Variants in OR4K13 observed in about 807,000 individuals in gnomAD.
OR4K13 encodes the protein olfactory receptor 4K13.
For missense variants in OR4K13, 403 were observed against 366.0 expected, an observed-to-expected ratio of 1.10 and a Z score of -0.82; for synonymous variants, 160 against 134.8, an observed-to-expected ratio of 1.19 and a Z score of -1.30.
At position 20,034,087 on chromosome 14, in the gene OR4K13, T is replaced by C; in HGVS notation, c.672A>G (p.Ser224=). Residue 224 remains serine (S), a synonymous_variant, in exon 2 of 2, where the codon TCA becomes TCG. Transcript: ENST00000641904. Reference sequence around the variant, plus strand: ...ATCGACTAGCAGCACGGTACCTAACTGAGAATATTATGACTCCATAGGAGA... The same window carrying C: ...ATCGACTAGCAGCACGGTACCTAACCGAGAATATTATGACTCCATAGGAGA... ...LLVSYGVIIF[S]VRYRAASRSS... The C allele has an allele frequency of 6.2e-7, 1 of 1,613,992 alleles. No individual in the cohort carries two copies. The highest frequency in any genetic ancestry group is 8.5e-7 in the Non-Finnish European group (1 of 1,179,984).
Position 20,030,412 on chromosome 14 carries a change from T to G in OR4K13, c.*3432A>C, listed in dbSNP as rs2138670447. ...TATAAAAGCTCACAAAACCATACAC[T>G]AAAGAGTCATTTTTTCTATATGTAA... On this transcript the variant is annotated 3_prime_UTR_variant, in exon 2 of 2. Transcript: ENST00000641904. 6.6e-6 allele frequency: 1 copy of G among 151,850 alleles called. No individual in the cohort carries two copies. Among genetic ancestry groups the G allele is most frequent in the African/African-American group, 2.4e-5 (1 of 41,440 alleles). The allele number at this position is 151,850 out of a possible 1,614,324, so 9.4% of individuals were successfully genotyped here.
chr14:20,033,591 C>A lies in OR4K13; in HGVS notation c.*253G>T. ...AAACTGTAGATATTATGTGTTTGAC[C>A]ATAAAAGATCACAAAAAGGTGTTTG... On this transcript the variant is annotated 3_prime_UTR_variant, in exon 2 of 2. Coordinates refer to ENST00000641904, the MANE Select transcript of OR4K13 (RefSeq NM_001004714.2). 3.4e-6 allele frequency: 1 copy of A among 292,702 alleles called. No homozygotes were observed. Among genetic ancestry groups the A allele is most frequent in the South Asian group, 4.7e-5 (1 of 21,274 alleles). 18.1% of individuals were successfully genotyped at this position (292,702 alleles called of 1,614,324 possible).
rs1158686528 is a variant in OR4K13 at position 20,032,720 on chromosome 14, A to C, written c.*1124T>G. On this transcript the variant is annotated 3_prime_UTR_variant, in exon 2 of 2. Transcript: ENST00000641904. The stretch of plus-strand genomic sequence containing the variant: ...GGGGAGATAAACTTGGAATAGAAGC[A>C]GTACAATGTACAAGTTGGGACAGGA... 1 of 152,254 alleles carries C rather than the reference A, an allele frequency of 6.6e-6. No homozygotes were observed. The highest frequency in any genetic ancestry group is 1.9e-4 in the East Asian group (1 of 5,200). 9.4% of individuals were successfully genotyped at this position (152,254 alleles called of 1,614,324 possible).
chr14:20,033,318 T>C lies in OR4K13; in HGVS notation c.*526A>G, dbSNP rs1048053956. 5.2e-5 allele frequency: 8 copies of C among 153,286 alleles called. No individual in the cohort carries two copies. The highest frequency in any genetic ancestry group is 1.9e-4 in the African/African-American group (8 of 41,458). 9.5% of individuals were successfully genotyped at this position (153,286 alleles called of 1,614,324 possible). A position where few individuals can be genotyped will look rare whatever the true frequency, so the allele number is the denominator to read the frequency against. ...GCAGTTTTCTAGCCTGTAAGGCACT[T>C]GGATAAATAACCGTGATGAGATGTC... is the stretch of plus-strand genomic sequence containing the variant. On this transcript the variant is annotated 3_prime_UTR_variant, in exon 2 of 2. Coordinates refer to ENST00000641904, the MANE Select transcript of OR4K13 (RefSeq NM_001004714.2).
At chr14:20,035,645 G>T (rs1294386711) in intron 1 of OR4K13, 4 of 151,862 alleles carry the variant, frequency 2.6e-5, no homozygotes, top group African/African-American at 7.3e-5. Flanking sequence ...CATTTACCTG[G>T]TTATTGCTAT....
At chr14:20,035,839 T>C (rs1877556239) in intron 1 of OR4K13, 99 bp downstream of exon 1, 1 of 152,144 alleles carries the variant, frequency 6.6e-6, no homozygotes, top group Non-Finnish European at 1.5e-5. Context: ...TTAAAAAAAT[T>C]GCCTCCGTTG....
In OR4K13 at chr14:20,034,083, T is replaced by A. The variant is rs146225521; in HGVS notation, c.676A>T (p.Arg226Trp). Residue 226 changes from arginine to tryptophan, a missense_variant, in exon 2 of 2, where the codon AGG becomes TGG. Coordinates refer to ENST00000641904, the MANE Select transcript of OR4K13 (RefSeq NM_001004714.2). Reference protein sequence around the residue: ...VSYGVIIFSVRYRAASRSSKA... With the variant: ...VSYGVIIFSVWYRAASRSSKA... ...GAGGATCGACTAGCAGCACGGTACCTAACTGAGAATATTATGACTCCATAG... is the reference window on the plus strand; with the variant it reads ...GAGGATCGACTAGCAGCACGGTACCAAACTGAGAATATTATGACTCCATAG... 6.2e-7 allele frequency: 1 copy of A among 1,613,874 alleles called. No individual in the cohort carries two copies. Among genetic ancestry groups the A allele is most frequent in the African/African-American group, 1.3e-5 (1 of 74,860 alleles).
Position 20,034,493 on chromosome 14 carries a change from C to T in OR4K13, c.266G>A (p.Arg89His), listed in dbSNP as rs138902767. ...PKMIVDFLRE[R>H]KTISWWGCYS... ...ACATCCCCACCATGAGATGGTCTTA[C>T]GTTCTCGGAGGAAATCTACAATCAT... The change falls in exon 2 of 2, where the codon CGT becomes CAT. Residue 89 changes from arginine (R) to histidine (H), a missense_variant. By Grantham distance (29) the Arg-to-His change is conservative (BLOSUM62 0). Transcript: ENST00000641904. 339 of 1,613,852 alleles carry T rather than the reference C, an allele frequency of 2.1e-4. 1 individual carries two copies. In the African/African-American group the frequency reaches 2.3e-3, roughly 11 times the overall value.
In OR4K13 at chr14:20,034,161, T is replaced by C; in HGVS notation, c.598A>G (p.Ile200Val). The change falls in exon 2 of 2, where the codon ATT becomes GTT. Residue 200 changes from isoleucine to valine, a missense_variant. Transcript: ENST00000641904. ...AGTGACAGGAGCCCACTGTCAGCAA[T>C]GACCAGGAGCTGTAGGATGTAGGTG... ...KDTYILQLLVIADSGLLSLVC... is the reference protein window; with the variant it reads ...KDTYILQLLVVADSGLLSLVC... 1.2e-6 allele frequency: 2 copies of C among 1,614,074 alleles called. No individual in the cohort carries two copies. Among genetic ancestry groups the C allele is most frequent in the Non-Finnish European group, 1.7e-6 (2 of 1,180,002 alleles).
At chr14:20,035,079 C>G (rs920152461) in intron 1 of OR4K13, 98 bp from the exon 2 acceptor site, 1 of 225,820 alleles carries the variant, frequency 4.4e-6, no homozygotes, top group African/African-American at 2.3e-5. Context: ...CCTGGGTAAG[C>G]TGCTCACTGG....
Position 20,033,658 on chromosome 14 carries a change from G to T in OR4K13, c.*186C>A. 2.1e-6 allele frequency: 1 copy of T among 468,970 alleles called. No individual in the cohort carries two copies. Among genetic ancestry groups the T allele is most frequent in the African/African-American group, 2.0e-5 (1 of 51,184 alleles). 29.1% of individuals were successfully genotyped at this position (468,970 alleles called of 1,614,324 possible). A position where few individuals can be genotyped will look rare whatever the true frequency, so the allele number is the denominator to read the frequency against. On this transcript the variant is annotated 3_prime_UTR_variant, in exon 2 of 2. Transcript: ENST00000641904. ...TCTACTATTTCCTCATATGGAACTTGAACTGTTAGCTGGTACACAAGTTAT... is the reference window on the plus strand; with the variant it reads ...TCTACTATTTCCTCATATGGAACTTTAACTGTTAGCTGGTACACAAGTTAT...
At position 20,034,556 on chromosome 14, in the gene OR4K13, C is replaced by A. The variant is rs775918342; in HGVS notation, c.203G>T (p.Cys68Phe). The A allele has an allele frequency of 9.3e-6, 15 of 1,613,804 alleles. No individual in the cohort carries two copies. The highest frequency in any genetic ancestry group is 1.7e-5 in the Admixed American group (1 of 59,952). The change falls in exon 2 of 2, where the codon TGC (cysteine) becomes TTC (phenylalanine). Residue 68 changes from cysteine (C) to phenylalanine (F), a missense_variant. Cys to Phe is a radical substitution (Grantham distance 205, BLOSUM62 -2). Transcript: ENST00000641904. The stretch of plus-strand genomic sequence containing the variant: ...AAAAGAAGCCAGGATCATATCAATG[C>A]AGGAGAGGTTGCTAAGCAGAAAATA... ...PMYFLLSNLS[C>F]IDMILASFAT...
chr14:20,035,182 A>G (rs1012062428), intron 1 of OR4K13, among the ~76,000 whole-genome samples: 1 of 151,946 alleles, frequency 6.6e-6, no homozygotes, highest in African/African-American at 2.4e-5. Context: ...TCTTTCTGCT[A>G]TAAAGATCTC....
Position 20,034,508 on chromosome 14 carries a change from T to C in OR4K13, c.251A>G (p.Asp84Gly), listed in dbSNP as rs781001103. 1.9e-6 allele frequency: 3 copies of C among 1,613,806 alleles called. No individual in the cohort carries two copies. Among genetic ancestry groups the C allele is most frequent in the Non-Finnish European group, 2.5e-6 (3 of 1,179,936 alleles). The change falls in exon 2 of 2, where the codon GAT becomes GGT. Residue 84 changes from aspartate (D) to glycine (G), a missense_variant. Coordinates refer to ENST00000641904, the MANE Select transcript of OR4K13 (RefSeq NM_001004714.2). Reference protein sequence around the residue: ...ASFATPKMIVDFLRERKTISW... With the variant: ...ASFATPKMIVGFLRERKTISW... ...GATGGTCTTACGTTCTCGGAGGAAA[T>C]CTACAATCATCTTAGGGGTAGCAAA...
At position 20,031,183 on chromosome 14, in the gene OR4K13, T is replaced by C. The variant is rs1019835545; in HGVS notation, c.*2661A>G. 1 of 152,200 alleles carries C rather than the reference T, an allele frequency of 6.6e-6. No homozygotes were observed. The highest frequency in any genetic ancestry group is 6.5e-5 in the Admixed American group (1 of 15,282). 9.4% of individuals were successfully genotyped at this position (152,200 alleles called of 1,614,324 possible). ...CTCGGCTCCTCTGAAACAGCAATAC[T>C]GTAAAACGCCGAGAACCTCATGCTC... On this transcript the variant is annotated 3_prime_UTR_variant, in exon 2 of 2. Transcript: ENST00000641904.
rs1345410735 is a variant in OR4K13 at position 20,031,515 on chromosome 14, A to C, written c.*2329T>G. The stretch of plus-strand genomic sequence containing the variant: ...AGTTAGTAGCTTTCTCTGGCATAAG[A>C]AATACATAATAGTAGTTGGTAGCTT... On this transcript the variant is annotated 3_prime_UTR_variant, in exon 2 of 2. Transcript: ENST00000641904. 1 of 152,208 alleles carries C rather than the reference A, an allele frequency of 6.6e-6. No homozygotes were observed. Among genetic ancestry groups the C allele is most frequent in the Non-Finnish European group, 1.5e-5 (1 of 68,026 alleles). 9.4% of individuals were successfully genotyped at this position (152,208 alleles called of 1,614,324 possible). A position where few individuals can be genotyped will look rare whatever the true frequency, so the allele number is the denominator to read the frequency against.
rs1451680135 is a variant in OR4K13 at position 20,030,145 on chromosome 14, G to A, written c.*3699C>T. 3 of 151,972 alleles carry A rather than the reference G, an allele frequency of 2.0e-5. 1 individual carries two copies. The highest frequency in any genetic ancestry group is 2.0e-4 in the Admixed American group (3 of 15,268). The allele number at this position is 151,972 out of a possible 1,614,324, so 9.4% of individuals were successfully genotyped here. ...CAAGGACAGGAAATGGGAAGGAGGA[G>A]GTGACTACTGTGGGGGACAGGAGCA... On this transcript the variant is annotated 3_prime_UTR_variant, in exon 2 of 2. Transcript: ENST00000641904.
Position 20,035,971 on chromosome 14 carries a change from G to A in OR4K13, c.-257C>T, listed in dbSNP as rs1223496231. The A allele has an allele frequency of 7.2e-5, 11 of 151,934 alleles. No homozygotes were observed. Among genetic ancestry groups the A allele is most frequent in the African/African-American group, 2.2e-4 (9 of 41,366 alleles). 9.4% of individuals were successfully genotyped at this position (151,934 alleles called of 1,614,324 possible). On this transcript the variant is annotated 5_prime_UTR_variant, in exon 1 of 2. The change creates a new upstream start codon in the 5' untranslated region. Coordinates refer to ENST00000641904, the MANE Select transcript of OR4K13 (RefSeq NM_001004714.2). ...GGAAAAAAACTTTCGTGATGGCGTC[G>A]TACGTGAATCCCAGGAATGGCCTTT... is the stretch of plus-strand genomic sequence containing the variant.
Position 20,032,834 on chromosome 14 carries a change from T to A in OR4K13, c.*1010A>T, listed in dbSNP as rs965871660. On this transcript the variant is annotated 3_prime_UTR_variant, in exon 2 of 2. Coordinates refer to ENST00000641904, the MANE Select transcript of OR4K13 (RefSeq NM_001004714.2). ...GAATTCCAAAGAGTGTCCTATATTT[T>A]CTATTATATGATCAGACTACATTTG... 6.6e-6 allele frequency: 1 copy of A among 152,222 alleles called. No individual in the cohort carries two copies. The highest frequency in any genetic ancestry group is 6.5e-5 in the Admixed American group (1 of 15,274). 9.4% of individuals were successfully genotyped at this position (152,222 alleles called of 1,614,324 possible). A position where few individuals can be genotyped will look rare whatever the true frequency, so the allele number is the denominator to read the frequency against.
Sources: allele counts gnomAD v4.1 joint callset (sites outside exome capture counted in the v4.1 genomes callset), GRCh38; gene constraint gnomAD v4.1.1; transcripts MANE v1.5; gene names NCBI Gene and HGNC (gene_info 2026-07-23, HGNC 2026-07-21).